The following SGCD variants were observed in gnomAD, a reference collection of about 807,000 sequenced individuals.
SGCD encodes the protein sarcoglycan delta, also known as delta-sarcoglycan.
Under a neutral mutation model 36.6 loss-of-function variants are expected in SGCD, and 18 were observed. The observed-to-expected ratio is 0.49, with a 90% CI of 0.34 to 0.73. SGCD has a LOEUF of 0.73. SGCD is among the 30% of genes least tolerant of loss of function. The pLI, the probability that SGCD is intolerant of heterozygous loss-of-function variation, is 0.01. For missense variants in SGCD, 387 were observed against 346.7 expected (o/e 1.12, Z -0.92); for synonymous variants, 133 against 130.6 (o/e 1.02, Z -0.12).
chr5:156,350,299 G>T (rs1239482778), intron 3 of SGCD, among the ~76,000 whole-genome samples: 1 of 125,194 alleles, frequency 8.0e-6, no homozygotes, highest in Non-Finnish European at 1.8e-5. Context: ...ATTTATGTAG[G>T]AAAGAGTGAT....
chr5:155,813,926 G>A, the SGCD span, among the ~76,000 whole-genome samples: 1 of 152,158 alleles, frequency 6.6e-6, no homozygotes, highest in Non-Finnish European at 1.5e-5. Flanking sequence ...GAGATGAAGG[G>A]CAATTCATTC....
chr5:156,026,747 G>A (rs781631495), intron 1 of SGCD, among the ~76,000 whole-genome samples: 4 of 152,086 alleles, frequency 2.6e-5, no homozygotes, highest in African/African-American at 4.8e-5. Flanking sequence ...CAGATCAGGC[G>A]GTTGTAAGAG....
intron 3 of SGCD, among the ~76,000 whole-genome samples, chr5:156,440,208 C>G (rs966005746): frequency 2.0e-5 from 3 of 152,106 alleles, no homozygotes; most frequent in Non-Finnish European, 4.4e-5. Flanking sequence ...TTTCAGATAT[C>G]AATATGTCAT....
At chr5:156,499,693 G>A (rs1363435765) in intron 3 of SGCD, among the ~76,000 whole-genome samples, 1 of 152,192 alleles carries the variant, frequency 6.6e-6, no homozygotes, top group Non-Finnish European at 1.5e-5. Flanking sequence ...GTGACAGAGT[G>A]AAGGGAGACC....
intron 1 of SGCD, among the ~76,000 whole-genome samples, chr5:156,047,279 A>G (rs1408067397): frequency 6.6e-6 from 1 of 152,208 alleles, no homozygotes; most frequent in Non-Finnish European, 1.5e-5. Flanking sequence ...AGTTATCCGG[A>G]AAATCCACGC....
At chr5:156,279,879 C>A (rs7721069) in intron 3 of SGCD, among the ~76,000 whole-genome samples, 6,147 of 152,126 alleles carry the variant, frequency 0.04, 160 homozygotes, top group Non-Finnish European at 0.059. Context: ...AACACCAAGT[C>A]ATGATGGGTA....
intron 3 of SGCD, among the ~76,000 whole-genome samples, chr5:156,474,588 C>T (rs893347832): frequency 2.6e-5 from 4 of 152,206 alleles, no homozygotes; most frequent in African/African-American, 7.2e-5. Flanking sequence ...TCCAGCTGGT[C>T]ACAGAAAGAG....
intron 3 of SGCD, among the ~76,000 whole-genome samples, chr5:156,163,342 A>G (rs1450279832): frequency 6.6e-6 from 1 of 151,586 alleles, no homozygotes; most frequent in Non-Finnish European, 1.5e-5. Flanking sequence ...GTCAGAGTCC[A>G]TGTTTCCGTA....
intron 7 of SGCD, among the ~76,000 whole-genome samples, chr5:156,652,889 G>T (rs150343205): frequency 6.6e-6 from 1 of 152,102 alleles, no homozygotes; most frequent in East Asian, 1.9e-4. Context: ...TTATACGATG[G>T]ATCACATTTA....
chr5:156,276,065 G>C (rs148364213), intron 3 of SGCD, among the ~76,000 whole-genome samples: 1 of 152,092 alleles, frequency 6.6e-6, no homozygotes, highest in Non-Finnish European at 1.5e-5. Context: ...GGTTCTGTAG[G>C]TACAGGAAGT....
the SGCD span, among the ~76,000 whole-genome samples, chr5:155,759,959 G>A: frequency 3.3e-5 from 5 of 152,108 alleles, no homozygotes; most frequent in South Asian, 4.1e-4. Context: ...CATTTCATCC[G>A]GTTAGCTTAT....
At chr5:155,848,667 C>G in the SGCD span, among the ~76,000 whole-genome samples, 1 of 152,132 alleles carries the variant, frequency 6.6e-6, no homozygotes, top group African/African-American at 2.4e-5. Flanking sequence ...CTCATCCTCT[C>G]TAATATAAAA....
intron 6 of SGCD, among the ~76,000 whole-genome samples, chr5:156,646,181 C>T (rs190713324): frequency 6.6e-6 from 1 of 152,242 alleles, no homozygotes; most frequent in East Asian, 1.9e-4. Flanking sequence ...TTTGGTTGGA[C>T]AATGGGAGCT....
the SGCD span, among the ~76,000 whole-genome samples, chr5:155,766,053 TG>T: frequency 1.7e-3 from 260 of 152,204 alleles, 1 homozygote; most frequent in African/African-American, 6.0e-3. Context: ...GGACTTGGAC[TG>T]GAAGAGGCTG....
chr5:156,185,827 G>A (rs1345090868), intron 3 of SGCD, among the ~76,000 whole-genome samples: 1 of 7,916 alleles, frequency 1.3e-4, no homozygotes, highest in African/African-American at 6.9e-4. Context: ...ATATATATGT[G>A]TGTGTGTATA....
chr5:155,979,534 C>CAG (rs891122619), intron 1 of SGCD, among the ~76,000 whole-genome samples: 2 of 152,120 alleles, frequency 1.3e-5, no homozygotes, highest in African/African-American at 2.4e-5. Flanking sequence ...AAGGACTGAA[C>CAG]AGAGAGAGAG....
chr5:155,900,927 G>A (rs1031465698), intron 1 of SGCD, among the ~76,000 whole-genome samples: 12 of 152,034 alleles, frequency 7.9e-5, no homozygotes, highest in African/African-American at 2.7e-4. Flanking sequence ...GGTAATGAAC[G>A]TATTTATCAT....
chr5:156,423,290 T>C (rs1161083481), intron 3 of SGCD, among the ~76,000 whole-genome samples: 3 of 103,024 alleles, frequency 2.9e-5, no homozygotes, highest in Non-Finnish European at 5.5e-5. Flanking sequence ...TTATATTTTA[T>C]TATAATATAA....
At chr5:156,364,617 G>A (rs1047802481) in intron 3 of SGCD, among the ~76,000 whole-genome samples, 2 of 152,152 alleles carry the variant, frequency 1.3e-5, no homozygotes, top group African/African-American at 2.4e-5. Context: ...TTTGTACACA[G>A]ACTATAGGAA....
Sources: allele counts gnomAD v4.1 joint callset (sites outside exome capture counted in the v4.1 genomes callset), GRCh38; gene constraint gnomAD v4.1.1; transcripts MANE v1.5; gene names NCBI Gene and HGNC (gene_info 2026-07-23, HGNC 2026-07-21).